Variants in TUFT1 observed in about 807,000 individuals in gnomAD.
TUFT1 encodes tuftelin.
A neutral mutation model predicts 57.8 loss-of-function variants in TUFT1; 43 were observed. The ratio of observed to expected loss-of-function variants is 0.74; its 90% confidence interval spans 0.58 to 0.96. TUFT1 has a LOEUF of 0.96. TUFT1 is among the 40% of genes least tolerant of loss of function. The probability of loss-of-function intolerance (pLI) is 0.00; values close to 1 mark genes in which losing one functional copy is unlikely to be tolerated. For synonymous variants in TUFT1, 166 were observed against 176.7 expected, an observed-to-expected ratio of 0.94 and a Z score of 0.48; for missense variants, 459 against 489.0, an observed-to-expected ratio of 0.94 and a Z score of 0.58.
At chr1:151,561,844 A>C in intron 1 of TUFT1, 1 of 1,473,048 alleles carries the variant, frequency 6.8e-7, no homozygotes. Flanking sequence ...AGCTCTACAG[A>C]GCCATGTGCC....
In TUFT1 at chr1:151,580,970, A is replaced by G. The variant is rs573416838; in HGVS notation, c.1037A>G (p.His346Arg). 5.0e-6 allele frequency: 8 copies of G among 1,614,182 alleles called. No homozygotes were observed. The South Asian group carries it at 8.8e-5, about 18-fold the overall frequency. Reference protein sequence around the residue: ...ENLEMHDRMEHLIEKQISHGN... With the variant: ...ENLEMHDRMERLIEKQISHGN... ...TTAGAGATGCATGACCGGATGGAAC[A>G]CCTGATAGAAAAACAAATCAGTCAT... The change falls in exon 12 of 13, where the codon CAC becomes CGC. Residue 346 changes from histidine to arginine, a missense_variant. By Grantham distance (29) the His-to-Arg change is conservative. Coordinates refer to ENST00000368849, the MANE Select transcript of TUFT1 (RefSeq NM_020127.3).
At chr1:151,568,320 T>C (rs186553222) in intron 6 of TUFT1, among the ~76,000 whole-genome samples, 1 of 152,312 alleles carries the variant, frequency 6.6e-6, no homozygotes, top group East Asian at 1.9e-4. Context: ...AAATGTTCAG[T>C]ATACATGATG....
chr1:151,574,952 G>C lies in TUFT1; in HGVS notation c.765G>C (p.Val255=), dbSNP rs200765668. 2 of 1,578,024 alleles carry C rather than the reference G, an allele frequency of 1.3e-6. No individual in the cohort carries two copies. The highest frequency in any genetic ancestry group is 1.8e-5 in the Admixed American group (1 of 54,522). ...TGGCGAAAGTGAGGGAAGGGGAGGTGGCCCTAGAGGAACTTCGGAGCAACA... is the reference window on the plus strand; with the variant it reads ...TGGCGAAAGTGAGGGAAGGGGAGGTCGCCCTAGAGGAACTTCGGAGCAACA... ...ALLAKVREGE[V]ALEELRSNNA... is the part of the protein sequence containing the mutation. The change falls in exon 9 of 13, where the codon GTG becomes GTC. Residue 255 remains valine, a synonymous_variant. Transcript: ENST00000368849.
rs1030455184 is a variant in TUFT1, at chr1:151,562,083, A to G, written c.61-8A>G. The G allele has an allele frequency of 1.9e-6, 3 of 1,613,880 alleles. No homozygotes were observed. Among genetic ancestry groups the G allele is most frequent in the Non-Finnish European group, 2.5e-6 (3 of 1,179,782 alleles). On this transcript the variant is annotated splice_polypyrimidine_tract_variant and splice_region_variant and intron_variant, in intron 1 of 12. Coordinates refer to ENST00000368849, the MANE Select transcript of TUFT1 (RefSeq NM_020127.3). ...AGGGGTTATTGTTGCTGTCATTGTC[A>G]TTATTAGGGCAGCGTGGACATTCTC... is the stretch of plus-strand genomic sequence containing the variant.
chr1:151,544,803 G>GT (rs1665280798), intron 1 of TUFT1, among the ~76,000 whole-genome samples: 1 of 152,148 alleles, frequency 6.6e-6, no homozygotes, highest in Non-Finnish European at 1.5e-5. Context: ...TCTTTGAGCT[G>GT]TTTTGTGTTT....
At chr1:151,564,466 G>A in intron 4 of TUFT1, 59 bp from the exon 5 acceptor site, 1 of 1,303,410 alleles carries the variant, frequency 7.7e-7, no homozygotes, top group Non-Finnish European at 1.1e-6. Context: ...AGAGTTGGGT[G>A]AGTTGGCATG....
intron 7 of TUFT1, among the ~76,000 whole-genome samples, chr1:151,573,793 T>G (rs558083859): frequency 6.6e-6 from 1 of 152,318 alleles, no homozygotes; most frequent in African/African-American, 2.4e-5. Context: ...TTCCTGATGC[T>G]TAGTAGCCCT....
At chr1:151,567,281 A>T (rs1193820571) in intron 6 of TUFT1, among the ~76,000 whole-genome samples, 1 of 152,048 alleles carries the variant, frequency 6.6e-6, no homozygotes, top group South Asian at 2.1e-4. Flanking sequence ...TGGTGCAGTC[A>T]TGGCTCATTA....
chr1:151,553,297 G>C (rs757732005), intron 1 of TUFT1, among the ~76,000 whole-genome samples: 2 of 152,138 alleles, frequency 1.3e-5, no homozygotes, highest in Non-Finnish European at 2.9e-5. Context: ...TCGCCATGTT[G>C]GCCAGGCTGG....
intron 1 of TUFT1, among the ~76,000 whole-genome samples, chr1:151,541,338 G>A (rs1284084601): frequency 6.6e-6 from 1 of 152,136 alleles, no homozygotes; most frequent in East Asian, 1.9e-4. Context: ...CCCCACCCTA[G>A]CTGACCATAT....
Position 151,569,763 on chromosome 1 carries a change from C to T in TUFT1, c.587C>T (p.Ala196Val), listed in dbSNP as rs754497349. The change falls in exon 7 of 13, where the codon GCT becomes GTT. Residue 196 changes from alanine (A) to valine (V), a missense_variant. Transcript: ENST00000368849. The part of the protein sequence containing the change: ...AKRQHQSDCV[A>V]FEVTLSRYQR... ...CGGCAACACCAGTCAGACTGTGTGGCTTTTGAGGTGAGATTTGGGATTTGG... is the reference window on the plus strand; with the variant it reads ...CGGCAACACCAGTCAGACTGTGTGGTTTTTGAGGTGAGATTTGGGATTTGG... 2 of 1,613,582 alleles carry T rather than the reference C, an allele frequency of 1.2e-6. No homozygotes were observed. Among genetic ancestry groups the T allele is most frequent in the Admixed American group, 1.7e-5 (1 of 59,976 alleles).
chr1:151,540,527 C>T (rs973867630), intron 1 of TUFT1, 101 bp downstream of exon 1: 21 of 1,381,938 alleles, frequency 1.5e-5, no homozygotes, highest in Admixed American at 5.4e-5. Flanking sequence ...TCACCTGGTG[C>T]CCGGCTCGCG....
chr1:151,577,865 ATTT>A (rs869228209), intron 9 of TUFT1, among the ~76,000 whole-genome samples: 2 of 151,468 alleles, frequency 1.3e-5, no homozygotes, highest in Non-Finnish European at 2.9e-5. Context: ...TACAAAAAAA[ATTT>A]TTTTTTAGTT....
intron 7 of TUFT1, among the ~76,000 whole-genome samples, chr1:151,570,394 G>GC (rs1396274358): frequency 3.3e-5 from 5 of 151,864 alleles, no homozygotes; most frequent in Admixed American, 2.6e-4. Flanking sequence ...CAATTCTCCT[G>GC]CCTCAGCCTC....
chr1:151,567,063 G>A (rs1322006377), intron 6 of TUFT1, among the ~76,000 whole-genome samples: 1 of 151,972 alleles, frequency 6.6e-6, no homozygotes, highest in African/African-American at 2.4e-5. Flanking sequence ...GGACTATAGG[G>A]CACGCGCCAT....
intron 1 of TUFT1, among the ~76,000 whole-genome samples, chr1:151,554,695 C>CCTTTTT (rs1553249393): frequency 2.3e-5 from 2 of 85,652 alleles, no homozygotes; most frequent in Non-Finnish European, 2.2e-5. Flanking sequence ...GCCCGGCCCC[C>CCTTTTT]TTTTTTTTTT....
At chr1:151,566,142 A>G in intron 5 of TUFT1, 21 bp from the exon 6 acceptor site, 2 of 1,591,458 alleles carry the variant, frequency 1.3e-6, no homozygotes, top group Non-Finnish European at 1.7e-6. Flanking sequence ...TTAACTACCA[A>G]TTTTATTTTT....
chr1:151,578,079 A>G (rs1321131464), intron 9 of TUFT1, among the ~76,000 whole-genome samples: 1 of 152,030 alleles, frequency 6.6e-6, no homozygotes, highest in Non-Finnish European at 1.5e-5. Context: ...TTCTACTTGA[A>G]TCTTTCCAGT....
intron 1 of TUFT1, among the ~76,000 whole-genome samples, chr1:151,544,750 C>T (rs1476536623): frequency 1.3e-5 from 2 of 152,186 alleles, no homozygotes; most frequent in African/African-American, 2.4e-5. Flanking sequence ...AAATAGCAGT[C>T]CCCTGCTCCA....
Sources: gnomAD v4.1 joint callset for allele counts (sites outside exome capture counted in the v4.1 genomes callset) on GRCh38, gnomAD v4.1.1 for gene constraint, MANE v1.5 for transcripts, NCBI Gene and HGNC (gene_info 2026-07-23, HGNC 2026-07-21) for gene names.